ST3GAL4: variants seen among roughly 807,000 people sequenced by gnomAD.
The protein encoded by ST3GAL4 is ST3 beta-galactoside alpha-2,3-sialyltransferase 4.
In ST3GAL4, 24 loss-of-function variants were observed where a neutral mutation model predicts 42.6. That is an observed-to-expected ratio of 0.56 (90% CI 0.41 to 0.79). ST3GAL4 has a LOEUF of 0.79. ST3GAL4 is among the 30% of genes least tolerant of loss of function. The probability of loss-of-function intolerance (pLI) is 0.00; values close to 1 mark genes in which losing one functional copy is unlikely to be tolerated. For synonymous variants in ST3GAL4, 135 were observed against 163.2 expected (o/e 0.83, Z 1.32); for missense variants, 311 against 430.8 (o/e 0.72, Z 2.46).
At position 126,398,308 on chromosome 11, in the gene ST3GAL4, C is replaced by T. The variant is rs537744698; in HGVS notation, c.-60-7788C>T. 7.7e-4 allele frequency among the ~76,000 whole-genome samples: 117 copies of T among 152,354 alleles called. No homozygotes were observed. Among genetic ancestry groups the T allele is most frequent in the Non-Finnish European group, 1.3e-3 (86 of 68,030 alleles). On this transcript the variant is annotated intron_variant, in intron 1 of 10. Transcript: ENST00000444328. The surrounding 1 kb of genome is among the most constrained non-coding windows in gnomAD (Gnocchi z 4.7). ...AAAGGGGCAACTGGTCCAGACAACT[C>T]CAGAACCCAGCAGGGGGAACAATAC... is the stretch of plus-strand genomic sequence containing the variant.
chr11:126,379,752 A>G lies in ST3GAL4; in HGVS notation c.-61+23910A>G, dbSNP rs1952931915. 6.6e-6 allele frequency among the ~76,000 whole-genome samples: 1 copy of G among 152,062 alleles called. No individual in the cohort carries two copies. Among genetic ancestry groups the G allele is most frequent in the Non-Finnish European group, 1.5e-5 (1 of 68,004 alleles). On this transcript the variant is annotated intron_variant, in intron 1 of 10. Coordinates refer to ENST00000444328, the MANE Select transcript of ST3GAL4 (RefSeq NM_001254757.2). The surrounding 1 kb of genome is among the most constrained non-coding windows in gnomAD (Gnocchi z 4.2). ...CTTGGCCTCCTTAAGTGCTGGGATT[A>G]CAGGCATGAGCCACCACACCCGGCC... is the stretch of plus-strand genomic sequence containing the variant.
rs1953760970 is a variant in ST3GAL4, at chr11:126,396,360, T to C, written c.-60-9736T>C. Reference sequence around the variant, plus strand: ...AGTCCGCAGCCCGGGAGACCTGGCCTACAGCGGAGAGAGTCAGTCCATGCC... The same window carrying C: ...AGTCCGCAGCCCGGGAGACCTGGCCCACAGCGGAGAGAGTCAGTCCATGCC... On this transcript the variant is annotated intron_variant, in intron 1 of 10. Transcript: ENST00000444328. The surrounding 1 kb of genome is among the most constrained non-coding windows in gnomAD (Gnocchi z 5.8). Among the ~76,000 whole-genome samples, 1 of 152,062 alleles carries C rather than the reference T, an allele frequency of 6.6e-6. No individual in the cohort carries two copies. The highest frequency in any genetic ancestry group is 6.5e-5 in the Admixed American group (1 of 15,282).
rs187809393 is a variant in ST3GAL4 at position 126,396,317 on chromosome 11, C to G, written c.-60-9779C>G. ...TACAGCCCAGGCCCGCGCTGAGGTTCGGCAGGGAAGCCAGAGGAGTCCGCA... is the reference window on the plus strand; with the variant it reads ...TACAGCCCAGGCCCGCGCTGAGGTTGGGCAGGGAAGCCAGAGGAGTCCGCA... On this transcript the variant is annotated intron_variant, in intron 1 of 10. Coordinates refer to ENST00000444328, the MANE Select transcript of ST3GAL4 (RefSeq NM_001254757.2). The surrounding 1 kb of genome is among the most constrained non-coding windows in gnomAD (Gnocchi z 5.8). 6.6e-6 allele frequency among the ~76,000 whole-genome samples: 1 copy of G among 152,158 alleles called. No individual in the cohort carries two copies. Among genetic ancestry groups the G allele is most frequent in the Non-Finnish European group, 1.5e-5 (1 of 68,024 alleles).
chr11:126,388,678 T>TC (rs1448798638), intron 1 of ST3GAL4, among the ~76,000 whole-genome samples: 1 of 143,960 alleles, frequency 6.9e-6, no homozygotes, highest in Non-Finnish European at 1.5e-5. Flanking sequence ...TTTTTTTTTT[T>TC]TTTCTGATTT....
intron 1 of ST3GAL4, among the ~76,000 whole-genome samples, chr11:126,394,311 C>T (rs1460610520): frequency 6.6e-6 from 1 of 152,254 alleles, no homozygotes; most frequent in Non-Finnish European, 1.5e-5. Flanking sequence ...TCTCCTGTAT[C>T]CTGGGCCTGG....
chr11:126,392,449 G>A lies in ST3GAL4; in HGVS notation c.-60-13647G>A, dbSNP rs1953555528. 5.6e-6 allele frequency: 5 copies of A among 885,392 alleles called. No individual in the cohort carries two copies. Among genetic ancestry groups the A allele is most frequent in the Non-Finnish European group, 6.8e-6 (5 of 738,252 alleles). 54.8% of individuals were successfully genotyped at this position (885,392 alleles called of 1,614,324 possible). On this transcript the variant is annotated intron_variant, in intron 1 of 10. Transcript: ENST00000444328. The surrounding 1 kb of genome is among the most constrained non-coding windows in gnomAD (Gnocchi z 5.8). The stretch of plus-strand genomic sequence containing the variant: ...TAAAGCAGGTCCTTGTGAGCTCATC[G>A]ACATGCATTTGGCAGAAAGTGCGCT...
In ST3GAL4 at chr11:126,396,543, C is replaced by T. The variant is rs1321745859; in HGVS notation, c.-60-9553C>T. Reference sequence around the variant, plus strand: ...GCTGTGGGGGCTAGAGACTGTGTCTCGTGCGGAAGCGTGGCTGAGAAGGGG... The same window carrying T: ...GCTGTGGGGGCTAGAGACTGTGTCTTGTGCGGAAGCGTGGCTGAGAAGGGG... On this transcript the variant is annotated intron_variant, in intron 1 of 10. Transcript: ENST00000444328. This position sits in a 1 kb window ranked among gnomAD's most constrained non-coding sequence, Gnocchi z 5.8. Among the ~76,000 whole-genome samples, 5 of 151,904 alleles carry T rather than the reference C, an allele frequency of 3.3e-5. No homozygotes were observed. Among genetic ancestry groups the T allele is most frequent in the South Asian group, 4.1e-4 (2 of 4,830 alleles).
chr11:126,391,662 C>A lies in ST3GAL4; in HGVS notation c.-60-14434C>A, dbSNP rs2135484255. 6.6e-6 allele frequency among the ~76,000 whole-genome samples: 1 copy of A among 152,172 alleles called. No homozygotes were observed. The highest frequency in any genetic ancestry group is 2.1e-4 in the South Asian group (1 of 4,812). On this transcript the variant is annotated intron_variant, in intron 1 of 10. Transcript: ENST00000444328. This position sits in a 1 kb window ranked among gnomAD's most constrained non-coding sequence, Gnocchi z 5.5. ...TTGCCTCCCTGGCTGCTACAAGGTC[C>A]TGTGTAGCATCTGGTGTGGACCCAG...
intron 1 of ST3GAL4, among the ~76,000 whole-genome samples, chr11:126,369,080 A>G (rs1565395806): frequency 6.6e-6 from 1 of 152,122 alleles, no homozygotes; most frequent in Non-Finnish European, 1.5e-5. Flanking sequence ...TTCTGTCCTC[A>G]GGGTAGGACA....
At chr11:126,401,222 A>G (rs1279507829) in intron 1 of ST3GAL4, among the ~76,000 whole-genome samples, 2 of 152,062 alleles carry the variant, frequency 1.3e-5, no homozygotes, top group Non-Finnish European at 1.5e-5. Context: ...GTCCCCTGAA[A>G]ATGTGTGGCA....
intron 1 of ST3GAL4, chr11:126,405,693 TCA>T: frequency 8.3e-6 from 2 of 240,868 alleles, no homozygotes; most frequent in South Asian, 1.1e-4. Flanking sequence ...ACTCAAGCCC[TCA>T]CACAGTGAGT....
At position 126,383,755 on chromosome 11, in the gene ST3GAL4, C is replaced by G. The variant is rs1480161206; in HGVS notation, c.-60-22341C>G. 6.6e-6 allele frequency among the ~76,000 whole-genome samples: 1 copy of G among 152,134 alleles called. No homozygotes were observed. The highest frequency in any genetic ancestry group is 6.6e-5 in the Admixed American group (1 of 15,266). On this transcript the variant is annotated intron_variant, in intron 1 of 10. Transcript: ENST00000444328. This position sits in a 1 kb window ranked among gnomAD's most constrained non-coding sequence, Gnocchi z 4.5. ...CTTCAGGCTCTGAGTGTGGATGCAG[C>G]TGGGCCTGTTCAGGCAGATTCACCA...
intron 1 of ST3GAL4, among the ~76,000 whole-genome samples, chr11:126,401,652 G>A (rs1316107641): frequency 6.6e-6 from 1 of 152,060 alleles, no homozygotes; most frequent in Non-Finnish European, 1.5e-5. Flanking sequence ...AGGGAATCTT[G>A]ACCTTGACCT....
At chr11:126,390,208 C>T (rs1481216654) in intron 1 of ST3GAL4, among the ~76,000 whole-genome samples, 3 of 151,616 alleles carry the variant, frequency 2.0e-5, no homozygotes, top group Non-Finnish European at 4.4e-5. Context: ...AACATTATGT[C>T]TTCAAGTTTA....
rs181974847 is a variant in ST3GAL4 at position 126,378,318 on chromosome 11, G to A, written c.-61+22476G>A. On this transcript the variant is annotated intron_variant, in intron 1 of 10. Transcript: ENST00000444328. The surrounding 1 kb of genome is among the most constrained non-coding windows in gnomAD (Gnocchi z 5.3). ...CACATCTGCGTCTGCACAGCGCCACGTTGAATGGTTATGGTTTCAATTGGA... is the reference window on the plus strand; with the variant it reads ...CACATCTGCGTCTGCACAGCGCCACATTGAATGGTTATGGTTTCAATTGGA... Among the ~76,000 whole-genome samples the A allele has an allele frequency of 3.9e-5, 6 of 152,318 alleles. No individual in the cohort carries two copies. The highest frequency in any genetic ancestry group is 1.9e-4 in the East Asian group (1 of 5,186).
chr11:126,373,023 A>G lies in ST3GAL4; in HGVS notation c.-61+17181A>G, dbSNP rs745390694. 1.3e-5 allele frequency among the ~76,000 whole-genome samples: 2 copies of G among 152,174 alleles called. No homozygotes were observed. The highest frequency in any genetic ancestry group is 2.9e-5 in the Non-Finnish European group (2 of 68,036). On this transcript the variant is annotated intron_variant, in intron 1 of 10. Transcript: ENST00000444328. The surrounding 1 kb of genome is among the most constrained non-coding windows in gnomAD (Gnocchi z 5.5). The stretch of plus-strand genomic sequence containing the variant: ...TGTTTTTTCTCATTGTTTCGTGGGA[A>G]TACTGATATTATATATTCAAGTATT...
chr11:126,358,661 C>T (rs1591405583), intron 1 of ST3GAL4: 2 of 284,558 alleles, frequency 7.0e-6, no homozygotes, highest in East Asian at 1.3e-4. Flanking sequence ...CTGAATTCCC[C>T]CAAAGGTTGC....
rs965809999 is a variant in ST3GAL4 at position 126,410,830 on chromosome 11, G to A, written c.771+1419G>A. Among the ~76,000 whole-genome samples, 2 of 152,176 alleles carry A rather than the reference G, an allele frequency of 1.3e-5. No individual in the cohort carries two copies. Among genetic ancestry groups the A allele is most frequent in the Admixed American group, 6.5e-5 (1 of 15,280 alleles). ...ACAATGGAGAGTTGTTCCCAATGCC[G>A]TGGAATCTCAGAGGAGGGGCAGACA... On this transcript the variant is annotated intron_variant, in intron 9 of 10. Transcript: ENST00000444328. This position sits in a 1 kb window ranked among gnomAD's most constrained non-coding sequence, Gnocchi z 5.3.
intron 1 of ST3GAL4, among the ~76,000 whole-genome samples, chr11:126,367,790 T>TC (rs1175154862): frequency 6.6e-6 from 1 of 152,196 alleles, no homozygotes; most frequent in African/African-American, 2.4e-5. Context: ...TGCCTCAGTT[T>TC]CCCCATCTGT....
Sources: allele counts gnomAD v4.1 joint callset (sites outside exome capture counted in the v4.1 genomes callset), GRCh38; gene constraint gnomAD v4.1.1; non-coding constraint Gnocchi (gnomAD v3.1); transcripts MANE v1.5; gene names NCBI Gene and HGNC (gene_info 2026-07-23, HGNC 2026-07-21).